Variants in HPSE2 observed in about 807,000 individuals in gnomAD.
HPSE2 encodes the protein heparanase 2 (inactive).
A neutral mutation model predicts 60.5 loss-of-function variants in HPSE2; 38 were observed. The ratio of observed to expected loss-of-function variants is 0.63; its 90% CI spans 0.48 to 0.82. The LOEUF (loss-of-function observed/expected upper bound fraction) is 0.82. Among genes scored for constraint, HPSE2 ranks in the 40% least tolerant of loss-of-function variants. The probability of loss-of-function intolerance (pLI) is 0.00; values close to 1 mark genes in which losing one functional copy is unlikely to be tolerated. For synonymous variants in HPSE2, 295 were observed against 293.2 expected (o/e 1.01, Z -0.06); for missense variants, 713 against 740.4 (o/e 0.96, Z 0.43).
chr10:99,257,154 G>T, the HPSE2 span, among the ~76,000 whole-genome samples: 1 of 151,988 alleles, frequency 6.6e-6, no homozygotes, highest in Non-Finnish European at 1.5e-5. Context: ...GATGTATGTC[G>T]CCTCAGGACA....
At chr10:98,806,452 C>T (rs1421574138) in intron 3 of HPSE2, among the ~76,000 whole-genome samples, 1 of 152,138 alleles carries the variant, frequency 6.6e-6, no homozygotes, top group African/African-American at 2.4e-5. Context: ...GAGCACTGGA[C>T]TTAGAGTCAG....
Position 99,165,113 on chromosome 10 carries a change from T to G in HPSE2, c.449-20714A>C, listed in dbSNP as rs1195046853. Among the ~76,000 whole-genome samples, 29 of 148,782 alleles carry G rather than the reference T, an allele frequency of 1.9e-4. No homozygotes were observed. The Admixed American group carries it at 2.0e-3, about 10-fold the overall frequency. ...AAAAAAAAAAAAAAAAAAGAATTCA[T>G]TTTAGCATTCTCATTTTATCCGTAA... On this transcript the variant is annotated intron_variant, in intron 2 of 11. Coordinates refer to ENST00000370552, the MANE Select transcript of HPSE2 (RefSeq NM_021828.5).
chr10:99,044,832 T>C (rs1190266708), intron 3 of HPSE2, among the ~76,000 whole-genome samples: 1 of 152,088 alleles, frequency 6.6e-6, no homozygotes, highest in Admixed American at 6.6e-5. Context: ...CTAAAATATA[T>C]ACACACTTAC....
chr10:98,949,832 G>A (rs1955302390), intron 3 of HPSE2, among the ~76,000 whole-genome samples: 1 of 152,042 alleles, frequency 6.6e-6, no homozygotes, highest in African/African-American at 2.4e-5. Context: ...AAGACAAGTT[G>A]CATCCCACTG....
At chr10:98,481,179 G>A (rs1333470190) in intron 11 of HPSE2, among the ~76,000 whole-genome samples, 1 of 152,140 alleles carries the variant, frequency 6.6e-6, no homozygotes, top group Non-Finnish European at 1.5e-5. Flanking sequence ...CAGCCCTTCT[G>A]TCAGAAATGG....
intron 3 of HPSE2, among the ~76,000 whole-genome samples, chr10:99,129,873 C>T (rs891401229): frequency 2.0e-5 from 3 of 148,526 alleles, no homozygotes; most frequent in Non-Finnish European, 4.5e-5. Context: ...AAAATTGATA[C>T]ATCATTAGTG....
chr10:99,017,056 C>T (rs1398438653), intron 3 of HPSE2, among the ~76,000 whole-genome samples: 7 of 152,092 alleles, frequency 4.6e-5, no homozygotes, highest in Admixed American at 2.6e-4. Context: ...CCAGAACTTT[C>T]AATACTATAT....
intron 3 of HPSE2, among the ~76,000 whole-genome samples, chr10:98,949,250 GCACACA>G (rs35314282): frequency 0.16 from 23,377 of 150,686 alleles, 2,705 homozygotes; most frequent in African/African-American, 0.32. Context: ...ACGCATGCGT[GCACACA>G]CACACACACA....
At chr10:99,238,602 AG>A (rs1399376295), upstream of HPSE2, among the ~76,000 whole-genome samples, 3 of 152,220 alleles carry the variant, frequency 2.0e-5, no homozygotes, top group Non-Finnish European at 4.4e-5. Flanking sequence ...TTGGTCTCTA[AG>A]ATGATTTGAT....
chr10:99,294,795 A>G, the HPSE2 span, among the ~76,000 whole-genome samples: 129,991 of 152,048 alleles, frequency 0.85, 55,917 homozygotes, highest in African/African-American at 0.92. Context: ...AAATCAGCTA[A>G]TAAAAATACA....
upstream of HPSE2, among the ~76,000 whole-genome samples, chr10:99,240,632 T>G (rs572822885): frequency 5.9e-5 from 9 of 152,124 alleles, no homozygotes; most frequent in Non-Finnish European, 1.2e-4. Flanking sequence ...CAGGATGGTC[T>G]TGACCTCCTG....
chr10:98,524,336 T>G (rs1942893300), intron 9 of HPSE2, among the ~76,000 whole-genome samples: 1 of 152,182 alleles, frequency 6.6e-6, no homozygotes, highest in African/African-American at 2.4e-5. Context: ...GGAGCCGTAA[T>G]GCCAGTGGGG....
intron 3 of HPSE2, among the ~76,000 whole-genome samples, chr10:99,040,370 A>G (rs1957709640): frequency 6.6e-6 from 1 of 152,198 alleles, no homozygotes; most frequent in Admixed American, 6.5e-5. Context: ...GTACTTTTCT[A>G]TGAAATAGAG....
the HPSE2 span, among the ~76,000 whole-genome samples, chr10:99,296,823 T>C: frequency 6.6e-6 from 1 of 152,122 alleles, no homozygotes; most frequent in Non-Finnish European, 1.5e-5. Flanking sequence ...AGTCAAGGAC[T>C]GGCCAGGCGG....
At chr10:98,602,621 T>C (rs1945459935) in intron 9 of HPSE2, among the ~76,000 whole-genome samples, 2 of 152,140 alleles carry the variant, frequency 1.3e-5, no homozygotes, top group African/African-American at 4.8e-5. Flanking sequence ...TAAAGATCTA[T>C]GGAATAAAAT....
intron 9 of HPSE2, among the ~76,000 whole-genome samples, chr10:98,560,486 A>T (rs1944140545): frequency 6.6e-6 from 1 of 152,208 alleles, no homozygotes; most frequent in South Asian, 2.1e-4. Flanking sequence ...GGATCTCCTG[A>T]TGAACCCTAA....
intron 3 of HPSE2, among the ~76,000 whole-genome samples, chr10:98,917,746 A>G (rs1954161329): frequency 6.6e-6 from 1 of 152,200 alleles, no homozygotes; most frequent in Non-Finnish European, 1.5e-5. Context: ...AGGTGAGTGA[A>G]AGTGAATGAA....
At chr10:98,920,076 C>T (rs577232108) in intron 3 of HPSE2, among the ~76,000 whole-genome samples, 1 of 152,306 alleles carries the variant, frequency 6.6e-6, no homozygotes, top group South Asian at 2.1e-4. Context: ...AGTGTTCACT[C>T]TGAGGTCATG....
chr10:98,618,791 G>A (rs1214936887), intron 8 of HPSE2, among the ~76,000 whole-genome samples: 4 of 152,114 alleles, frequency 2.6e-5, no homozygotes, highest in Non-Finnish European at 5.9e-5. Flanking sequence ...TGGCCAGGCT[G>A]GTCTCAAACT....
Sources: allele counts gnomAD v4.1 joint callset (sites outside exome capture counted in the v4.1 genomes callset), GRCh38; gene constraint gnomAD v4.1.1; transcripts MANE v1.5; gene names NCBI Gene and HGNC (gene_info 2026-07-23, HGNC 2026-07-21).